KLHL32: variants seen among roughly 807,000 people sequenced by gnomAD.
KLHL32 encodes the protein kelch like family member 32.
Under a neutral mutation model 64.8 loss-of-function variants are expected in KLHL32, and 35 were observed. That is an observed-to-expected ratio of 0.54 (90% CI 0.41 to 0.72). The LOEUF is 0.72. Ranked by LOEUF, KLHL32 falls within the 30% of genes least tolerant of loss-of-function variation. The pLI, the probability that KLHL32 is intolerant of heterozygous loss-of-function variation, is 0.00. For synonymous variants in KLHL32, 259 were observed against 281.0 expected, an observed-to-expected ratio of 0.92 and a Z score of 0.78; for missense variants, 589 against 768.5, an observed-to-expected ratio of 0.77 and a Z score of 2.76.
At chr6:97,043,151 A>G (rs1785384022) in intron 4 of KLHL32, among the ~76,000 whole-genome samples, 1 of 152,188 alleles carries the variant, frequency 6.6e-6, no homozygotes, top group Non-Finnish European at 1.5e-5. Context: ...CCATAAGCCA[A>G]ATAAACCTCT....
chr6:97,000,159 T>C (rs539496057), intron 3 of KLHL32, among the ~76,000 whole-genome samples: 2 of 152,296 alleles, frequency 1.3e-5, no homozygotes, highest in East Asian at 3.9e-4. Flanking sequence ...GGTTGACATA[T>C]TCTGCAGAAG....
At chr6:97,107,147 G>T (rs1309331045) in intron 6 of KLHL32, among the ~76,000 whole-genome samples, 1 of 151,998 alleles carries the variant, frequency 6.6e-6, no homozygotes, top group Non-Finnish European at 1.5e-5. Flanking sequence ...CAAAAAATTA[G>T]CTGGGCGTGG....
At chr6:97,055,640 A>G (rs1023689353) in intron 4 of KLHL32, among the ~76,000 whole-genome samples, 5 of 152,048 alleles carry the variant, frequency 3.3e-5, no homozygotes, top group African/African-American at 1.2e-4. Context: ...TCTACTAAAA[A>G]TACAAAAATT....
intron 3 of KLHL32, among the ~76,000 whole-genome samples, chr6:97,029,080 T>C (rs767222167): frequency 6.6e-5 from 10 of 152,248 alleles, no homozygotes; most frequent in Non-Finnish European, 1.3e-4. Context: ...CAGCAGTTTC[T>C]GGCCTTCACA....
At chr6:97,021,668 C>T (rs1782004477) in intron 3 of KLHL32, among the ~76,000 whole-genome samples, 1 of 150,878 alleles carries the variant, frequency 6.6e-6, no homozygotes, top group Non-Finnish European at 1.5e-5. Context: ...CAAATTGGCA[C>T]ATGAAATTAA....
intron 5 of KLHL32, among the ~76,000 whole-genome samples, chr6:97,070,521 G>A (rs531345547): frequency 1.3e-5 from 2 of 152,076 alleles, no homozygotes; most frequent in African/African-American, 4.8e-5. Flanking sequence ...GTCAGGAAGC[G>A]ACAGCCCAGA....
intron 10 of KLHL32, among the ~76,000 whole-genome samples, chr6:97,133,788 T>A (rs2128223304): frequency 6.6e-6 from 1 of 152,202 alleles, no homozygotes; most frequent in South Asian, 2.1e-4. Context: ...TCAGCAAGGG[T>A]AAGGTAGATA....
intron 5 of KLHL32, among the ~76,000 whole-genome samples, chr6:97,075,243 T>C (rs1446524324): frequency 6.6e-6 from 1 of 152,226 alleles, no homozygotes; most frequent in Non-Finnish European, 1.5e-5. Context: ...GAATTGCTGC[T>C]AATACTTTGT....
intron 8 of KLHL32, 88 bp from the exon 9 acceptor site, chr6:97,130,669 G>T: frequency 1.1e-6 from 1 of 924,558 alleles, no homozygotes; most frequent in East Asian, 2.6e-5. Flanking sequence ...ATAAACATTA[G>T]GGTTCTCACT....
rs552267544 is a variant in KLHL32 at position 96,938,101 on chromosome 6, T to A, written c.-66+13075T>A. On this transcript the variant is annotated intron_variant, in intron 1 of 10. Transcript: ENST00000369261. ...TTAAAACAAACAAACAGAAAAACCC[T>A]TAAAGCCCCTAGGAGTTGACTATTT... 3.7e-4 allele frequency among the ~76,000 whole-genome samples: 56 copies of A among 152,316 alleles called. No individual in the cohort carries two copies. The South Asian group carries it at 0.011, about 30-fold the overall frequency.
intron 3 of KLHL32, among the ~76,000 whole-genome samples, chr6:96,978,303 C>T (rs535291297): frequency 1.6e-4 from 24 of 152,220 alleles, no homozygotes; most frequent in African/African-American, 5.3e-4. Context: ...CCAACCTCCA[C>T]CATTAAGTAG....
chr6:97,064,172 T>A (rs1789344949), intron 4 of KLHL32, among the ~76,000 whole-genome samples: 1 of 152,230 alleles, frequency 6.6e-6, no homozygotes. Context: ...CCTCTGGTCT[T>A]ATATGGCAAG....
At chr6:97,117,038 C>A (rs981273150) in intron 7 of KLHL32, among the ~76,000 whole-genome samples, 2 of 152,160 alleles carry the variant, frequency 1.3e-5, no homozygotes, top group African/African-American at 4.8e-5. Flanking sequence ...GAGGAAATCG[C>A]CAGTGACATT....
chr6:97,112,473 G>A (rs905017230), intron 6 of KLHL32, among the ~76,000 whole-genome samples: 36 of 151,216 alleles, frequency 2.4e-4, no homozygotes, highest in African/African-American at 7.1e-4. Flanking sequence ...CTGAGATGGA[G>A]TCTTGCTCTG....
rs191295698 is a variant in KLHL32 at position 97,043,576 on chromosome 6, C to A, written c.312+1977C>A. ...CTAATTTCAGTTCCTTTGGCTATTA[C>A]CCAGAAGTGGAATTGCTGGTTCATA... is the stretch of plus-strand genomic sequence containing the variant. On this transcript the variant is annotated intron_variant, in intron 4 of 10. Coordinates refer to ENST00000369261, the MANE Select transcript of KLHL32 (RefSeq NM_052904.4). 3.3e-5 allele frequency among the ~76,000 whole-genome samples: 5 copies of A among 152,152 alleles called. No individual in the cohort carries two copies. In the East Asian group the frequency reaches 7.7e-4, roughly 24 times the overall value.
At chr6:96,919,433 A>G in the KLHL32 span, among the ~76,000 whole-genome samples, 7 of 152,228 alleles carry the variant, frequency 4.6e-5, no homozygotes, top group African/African-American at 1.7e-4. Flanking sequence ...ATGCTGACCA[A>G]ACGTTGAAAT....
intron 4 of KLHL32, among the ~76,000 whole-genome samples, chr6:97,059,711 C>T (rs1374225852): frequency 6.6e-6 from 1 of 152,142 alleles, no homozygotes; most frequent in Non-Finnish European, 1.5e-5. Flanking sequence ...GTAGAAATTT[C>T]TCATAGCTAG....
Position 97,139,555 on chromosome 6 carries a change from C to A in KLHL32, c.*273C>A. 1 of 309,354 alleles carries A rather than the reference C, an allele frequency of 3.2e-6. No individual in the cohort carries two copies. Among genetic ancestry groups the A allele is most frequent in the Non-Finnish European group, 5.9e-6 (1 of 169,100 alleles). The allele number at this position is 309,354 out of a possible 1,614,324, so 19.2% of individuals were successfully genotyped here. On this transcript the variant is annotated 3_prime_UTR_variant, in exon 11 of 11. Coordinates refer to ENST00000369261, the MANE Select transcript of KLHL32 (RefSeq NM_052904.4). ...GTGTTCCATGGGTCTTTAGAGCATT[C>A]TTTGTACACTTTTTCTAATCAGCAC...
At chr6:97,013,544 A>G (rs190656360) in intron 3 of KLHL32, among the ~76,000 whole-genome samples, 2 of 152,334 alleles carry the variant, frequency 1.3e-5, no homozygotes, top group East Asian at 1.9e-4. Context: ...CACCACATAC[A>G]TACACAGACA....
Sources: gnomAD v4.1 joint callset for allele counts (sites outside exome capture counted in the v4.1 genomes callset) on GRCh38, gnomAD v4.1.1 for gene constraint, MANE v1.5 for transcripts, NCBI Gene and HGNC (gene_info 2026-07-23, HGNC 2026-07-21) for gene names.